ROBO2: variants seen among roughly 807,000 people sequenced by gnomAD.
The protein encoded by ROBO2 is roundabout homolog 2.
A neutral mutation model predicts 160.8 loss-of-function variants in ROBO2; 53 were observed. That is an observed-to-expected ratio of 0.33 (90% CI 0.26 to 0.41). The LOEUF (loss-of-function observed/expected upper bound fraction) is 0.41. ROBO2 is among the 10% of genes least tolerant of loss of function. ROBO2 has a pLI of 1.00. For synonymous variants in ROBO2, 664 were observed against 611.7 expected (o/e 1.09, Z -1.26); for missense variants, 1,577 against 1,722.4 (o/e 0.92, Z 1.49).
At chr3:76,921,765 A>T (rs1284287054) in intron 2 of ROBO2, among the ~76,000 whole-genome samples, 1 of 152,186 alleles carries the variant, frequency 6.6e-6, no homozygotes, top group Non-Finnish European at 1.5e-5. Flanking sequence ...TAGACCACAA[A>T]TGAATCTTGA....
chr3:77,443,405 A>G (rs13060358), intron 2 of ROBO2, among the ~76,000 whole-genome samples: 17,679 of 152,032 alleles, frequency 0.12, 1,342 homozygotes, highest in East Asian at 0.32. Flanking sequence ...TCATTTACAT[A>G]TAGTGCTCAA....
rs149854375 is a variant in ROBO2 at position 76,813,545 on chromosome 3, C to T, written c.110-284469C>T. Among the ~76,000 whole-genome samples the T allele has an allele frequency of 8.1e-4, 124 of 152,200 alleles. 1 individual carries two copies. The Middle Eastern group carries it at 0.01, about 13-fold the overall frequency. ...TGATAAGTGACAAATGATGTAGTCT[C>T]TAATTTATGCTTTTTGAGTGATACG... On this transcript the variant is annotated intron_variant, in intron 2 of 26. Transcript: ENST00000487694.
chr3:76,749,653 G>A lies in ROBO2; in HGVS notation c.110-348361G>A, dbSNP rs1267612058. On this transcript the variant is annotated intron_variant, in intron 2 of 26. Coordinates refer to the ROBO2 transcript ENST00000487694. ...TGAAAGAATATATTTTATATTAATGGGTATACAAGTATCAATGGCAGGGCA... is the reference window on the plus strand; with the variant it reads ...TGAAAGAATATATTTTATATTAATGAGTATACAAGTATCAATGGCAGGGCA... 2.6e-5 allele frequency among the ~76,000 whole-genome samples: 4 copies of A among 152,124 alleles called. No homozygotes were observed. The East Asian group carries it at 5.8e-4, about 22-fold the overall frequency.
chr3:75,915,470 C>T (rs1946771695), intron 1 of ROBO2, among the ~76,000 whole-genome samples: 1 of 152,128 alleles, frequency 6.6e-6, no homozygotes, highest in Admixed American at 6.6e-5. Context: ...AGAGAGTCAT[C>T]TGATCCCAGC....
At chr3:77,204,410 T>G (rs2083216382) in intron 2 of ROBO2, among the ~76,000 whole-genome samples, 2 of 152,222 alleles carry the variant, frequency 1.3e-5, no homozygotes, top group South Asian at 4.1e-4. Flanking sequence ...TGATAGATGA[T>G]AAAGAATTAA....
intron 2 of ROBO2, among the ~76,000 whole-genome samples, chr3:77,230,889 A>G (rs1356855098): frequency 6.6e-6 from 1 of 152,180 alleles, no homozygotes; most frequent in Non-Finnish European, 1.5e-5. Context: ...CTTAGCCTTT[A>G]GCGTATCTAG....
intron 2 of ROBO2, among the ~76,000 whole-genome samples, chr3:76,099,411 T>C (rs2069589298): frequency 6.7e-6 from 1 of 149,280 alleles, no homozygotes; most frequent in Non-Finnish European, 1.5e-5. Context: ...AAAAAAAAAA[T>C]GTAATTACCA....
chr3:76,485,016 T>C (rs1306047655), intron 2 of ROBO2, among the ~76,000 whole-genome samples: 2 of 152,062 alleles, frequency 1.3e-5, no homozygotes, highest in Non-Finnish European at 2.9e-5. Flanking sequence ...TACTGTACAA[T>C]TGCAGTCCCC....
chr3:77,057,569 A>ATTTTTTTTTTTTTTTTTTTTTTTTTTTT, intron 1 of ROBO2, among the ~76,000 whole-genome samples: 2 of 105,274 alleles, frequency 1.9e-5, no homozygotes, highest in Non-Finnish European at 3.5e-5. Flanking sequence ...ATTCCAGAGG[A>ATTTTTTTTTTTTTTTTTTTTTTTTTTTT]TTTTTTTTTT....
intron 2 of ROBO2, among the ~76,000 whole-genome samples, chr3:77,462,406 T>G (rs1347913203): frequency 6.6e-6 from 1 of 152,188 alleles, no homozygotes; most frequent in Non-Finnish European, 1.5e-5. Flanking sequence ...AACTCATTAG[T>G]TGAATTGTAC....
chr3:76,159,843 G>T (rs759125435), intron 2 of ROBO2, among the ~76,000 whole-genome samples: 9 of 151,974 alleles, frequency 5.9e-5, no homozygotes, highest in African/African-American at 9.7e-5. Flanking sequence ...GTTAACTAAA[G>T]AAAAATGGTG....
chr3:76,792,613 A>AT (rs951918886), intron 2 of ROBO2, among the ~76,000 whole-genome samples: 48 of 149,822 alleles, frequency 3.2e-4, no homozygotes, highest in Admixed American at 1.1e-3. Flanking sequence ...AAGTTTGAAA[A>AT]TTTTTTTTTT....
At chr3:76,918,679 A>G (rs2148976544) in intron 2 of ROBO2, among the ~76,000 whole-genome samples, 1 of 152,294 alleles carries the variant, frequency 6.6e-6, no homozygotes. Context: ...TATACTTTCA[A>G]CACTTCATTT....
intron 2 of ROBO2, among the ~76,000 whole-genome samples, chr3:76,795,783 C>A (rs557370408): frequency 6.6e-6 from 1 of 152,140 alleles, no homozygotes; most frequent in East Asian, 1.9e-4. Flanking sequence ...AAAGGTGAAT[C>A]CTTTTCAGAA....
chr3:77,277,134 T>TTCC (rs2059885209), intron 2 of ROBO2, among the ~76,000 whole-genome samples: 11 of 150,946 alleles, frequency 7.3e-5, no homozygotes, highest in African/African-American at 2.4e-4. Context: ...CCTTCCTTCC[T>TTCC]TTCTTCCTTC....
intron 2 of ROBO2, among the ~76,000 whole-genome samples, chr3:76,091,304 A>G (rs2069222295): frequency 6.6e-6 from 1 of 152,206 alleles, no homozygotes; most frequent in East Asian, 1.9e-4. Flanking sequence ...AGAAGATATA[A>G]AGACGGAACA....
chr3:77,052,358 G>C (rs1488828344), intron 1 of ROBO2, among the ~76,000 whole-genome samples: 2 of 152,168 alleles, frequency 1.3e-5, no homozygotes, highest in Non-Finnish European at 2.9e-5. Flanking sequence ...GCTGCTGAGA[G>C]TCCACTCAGA....
intron 2 of ROBO2, among the ~76,000 whole-genome samples, chr3:76,601,111 T>A (rs2087107401): frequency 1.3e-5 from 2 of 152,230 alleles, no homozygotes; most frequent in Admixed American, 1.3e-4. Flanking sequence ...ATCCAGGTCA[T>A]GCTGATGCAA....
At chr3:76,014,909 C>G (rs1244334345) in intron 2 of ROBO2, among the ~76,000 whole-genome samples, 2 of 152,138 alleles carry the variant, frequency 1.3e-5, no homozygotes. Flanking sequence ...GTCTGAACCA[C>G]AGAGTGAGAC....
Sources: allele counts gnomAD v4.1 joint callset (sites outside exome capture counted in the v4.1 genomes callset), GRCh38; gene constraint gnomAD v4.1.1; transcripts MANE v1.5; gene names NCBI Gene and HGNC (gene_info 2026-07-23, HGNC 2026-07-21).